The following NOX4 variants were observed in gnomAD, a reference collection of about 807,000 sequenced individuals.
NOX4 encodes NADPH oxidase 4, also known as kidney oxidase-1.
NOX4 carries 69 observed loss-of-function variants against 87.6 expected under a neutral mutation model. The observed-to-expected ratio is 0.79, with a 90% CI of 0.65 to 0.96. The LOEUF (loss-of-function observed/expected upper bound fraction) is 0.96. Ranked by LOEUF, NOX4 falls within the 40% of genes least tolerant of loss-of-function variation. The pLI is 0.00. For missense variants in NOX4, 680 were observed against 681.5 expected (o/e 1.00, Z 0.02); for synonymous variants, 275 against 238.2 (o/e 1.15, Z -1.42).
chr11:89,523,191 T>G, the NOX4 span, among the ~76,000 whole-genome samples: 2 of 151,964 alleles, frequency 1.3e-5, no homozygotes, highest in Non-Finnish European at 2.9e-5. Context: ...ACCTGGCTAA[T>G]TTTTGTATTT....
the NOX4 span, among the ~76,000 whole-genome samples, chr11:89,504,569 A>AT: frequency 3.9e-5 from 6 of 152,052 alleles, no homozygotes; most frequent in East Asian, 9.7e-4. Context: ...AAATGGATAG[A>AT]TTTTTTACAT....
At chr11:89,584,275 T>C in the NOX4 span, among the ~76,000 whole-genome samples, 38,878 of 152,014 alleles carry the variant, frequency 0.26, 5,735 homozygotes, top group Middle Eastern at 0.38. Flanking sequence ...TCTTTATATA[T>C]CACCGAAGGT....
the NOX4 span, among the ~76,000 whole-genome samples, chr11:89,544,379 T>G: frequency 6.6e-6 from 1 of 152,194 alleles, no homozygotes; most frequent in African/African-American, 2.4e-5. Flanking sequence ...TTATTTAGTT[T>G]TATCCTGCTC....
At chr11:89,357,918 G>C (rs1419351954) in intron 12 of NOX4, among the ~76,000 whole-genome samples, 2 of 151,886 alleles carry the variant, frequency 1.3e-5, no homozygotes, top group Admixed American at 6.6e-5. Flanking sequence ...ATGCACACGT[G>C]TGTGTGCATA....
chr11:89,501,291 A>G (rs1354660158), upstream of NOX4, among the ~76,000 whole-genome samples: 2 of 152,086 alleles, frequency 1.3e-5, no homozygotes, highest in Non-Finnish European at 2.9e-5. Context: ...TTCAGAGTGT[A>G]GAAAAGCTAA....
At position 89,369,167 on chromosome 11, in the gene NOX4, A is replaced by G. The variant is rs181846279; in HGVS notation, c.1135+4265T>C. ...CAGATCCAGGCAGAAACATGACTGC[A>G]TAAGTTAAGTGGAAGAAGTTCATTA... On this transcript the variant is annotated intron_variant, in intron 12 of 17. Coordinates refer to ENST00000263317, the MANE Select transcript of NOX4 (RefSeq NM_016931.5). Among the ~76,000 whole-genome samples, 575 of 152,170 alleles carry G rather than the reference A, an allele frequency of 3.8e-3. 4 individuals are homozygous for G. Among genetic ancestry groups the G allele is most frequent in the African/African-American group, 0.013 (542 of 41,544 alleles).
chr11:89,497,679 T>C (rs1238133477), intron 1 of NOX4, among the ~76,000 whole-genome samples: 1 of 152,170 alleles, frequency 6.6e-6, no homozygotes, highest in African/African-American at 2.4e-5. Flanking sequence ...ACTATATCTG[T>C]CTATATCTGA....
At chr11:89,492,888 A>C (rs1293625431), upstream of NOX4, among the ~76,000 whole-genome samples, 1 of 152,230 alleles carries the variant, frequency 6.6e-6, no homozygotes, top group Non-Finnish European at 1.5e-5. Flanking sequence ...ATTCAAGAAT[A>C]GTAAAATAAG....
chr11:89,391,222 T>A (rs1336357884), intron 11 of NOX4, among the ~76,000 whole-genome samples: 1 of 151,916 alleles, frequency 6.6e-6, no homozygotes, highest in Non-Finnish European at 1.5e-5. Context: ...TGTTGAAGAG[T>A]GTACATGGGA....
At chr11:89,533,932 AGCTTGTCTCAG>A in the NOX4 span, 1 of 152,338 alleles carries the variant, frequency 6.6e-6, no homozygotes, top group South Asian at 2.1e-4. Flanking sequence ...CATTGTCTTA[AGCTTGTCTCAG>A]GCTTGTCTCA....
At chr11:89,410,062 T>A (rs1184810387) in intron 8 of NOX4, among the ~76,000 whole-genome samples, 1 of 47,804 alleles carries the variant, frequency 2.1e-5, no homozygotes, top group Non-Finnish European at 3.8e-5. Context: ...TCTCAAAAAA[T>A]AAAATAAAAT....
chr11:89,550,191 C>CTT, the NOX4 span, among the ~76,000 whole-genome samples: 4,869 of 146,074 alleles, frequency 0.033, 167 homozygotes, highest in African/African-American at 0.082. Context: ...GATAGCTAGT[C>CTT]TTTTTTTTTT....
At chr11:89,371,835 T>C (rs1939466981) in intron 12 of NOX4, among the ~76,000 whole-genome samples, 2 of 151,936 alleles carry the variant, frequency 1.3e-5, no homozygotes, top group Non-Finnish European at 2.9e-5. Context: ...TGGTTTTTCA[T>C]GACTCTGAAT....
At position 89,490,457 on chromosome 11, in the gene NOX4, C is replaced by T. The variant is rs1193374986; in HGVS notation, c.153+1G>A. 6.9e-6 allele frequency: 11 copies of T among 1,604,152 alleles called. No homozygotes were observed. The highest frequency in any genetic ancestry group is 7.7e-6 in the Non-Finnish European group (9 of 1,170,946). On this transcript the variant is annotated splice_donor_variant, in intron 2 of 17. Coordinates refer to ENST00000263317, the MANE Select transcript of NOX4 (RefSeq NM_016931.5). LOFTEE classifies it high-confidence loss of function. ...AGATTATCCAAGTTCACCTTACTTA[C>T]CCCCAACATCTGGTGGAGGTAGTGA...
chr11:89,528,083 T>C, the NOX4 span, among the ~76,000 whole-genome samples: 4 of 152,186 alleles, frequency 2.6e-5, no homozygotes, highest in African/African-American at 9.7e-5. Flanking sequence ...ATGTGAGACA[T>C]GGAGTCAAAG....
intron 8 of NOX4, among the ~76,000 whole-genome samples, chr11:89,412,661 C>G (rs1942541332): frequency 6.6e-6 from 1 of 152,048 alleles, no homozygotes; most frequent in African/African-American, 2.4e-5. Context: ...ATCTCTATCT[C>G]TTCCTAAATT....
At chr11:89,429,522 G>C (rs530059551) in intron 7 of NOX4, among the ~76,000 whole-genome samples, 1 of 152,278 alleles carries the variant, frequency 6.6e-6, no homozygotes, top group East Asian at 1.9e-4. Context: ...AAATGATACA[G>C]GGGATATCAA....
chr11:89,467,821 A>G (rs1037010535), intron 2 of NOX4, among the ~76,000 whole-genome samples: 1 of 152,222 alleles, frequency 6.6e-6, no homozygotes, highest in Non-Finnish European at 1.5e-5. Flanking sequence ...AGAGATTAGT[A>G]TTTGGCGATG....
Position 89,400,287 on chromosome 11 carries a change from C to T in NOX4, c.939G>A (p.Ser313=), listed in dbSNP as rs765167454. ...IRSNKPVTII[S]VMSHPSDVME... is the part of the protein sequence containing the mutation. ...TGACATCTGAGGGATGACTCATGACCGAAATGATGGTGACTGGCTTATTGC... is the reference window on the plus strand; with the variant it reads ...TGACATCTGAGGGATGACTCATGACTGAAATGATGGTGACTGGCTTATTGC... Residue 313 remains serine, a synonymous_variant, in exon 10 of 18, where the codon TCG becomes TCA. Coordinates refer to ENST00000263317, the MANE Select transcript of NOX4 (RefSeq NM_016931.5). The T allele has an allele frequency of 1.7e-5, 27 of 1,612,676 alleles. No homozygotes were observed. In the East Asian group the frequency reaches 2.5e-4, roughly 15 times the overall value.
Sources: gnomAD v4.1 joint callset for allele counts (sites outside exome capture counted in the v4.1 genomes callset) on GRCh38, gnomAD v4.1.1 for gene constraint, MANE v1.5 for transcripts, NCBI Gene and HGNC (gene_info 2026-07-23, HGNC 2026-07-21) for gene names.